The following MECOM variants were observed in gnomAD, a reference collection of about 807,000 sequenced individuals.
MECOM encodes the protein MDS1 and EVI1 complex locus.
A neutral mutation model predicts 116.3 loss-of-function variants in MECOM; 13 were observed. The observed-to-expected ratio is 0.11, with a 90% CI of 0.07 to 0.18. MECOM has a LOEUF of 0.18. Ranked by LOEUF, MECOM falls within the 10% of genes least tolerant of loss-of-function variation. The pLI, the probability that MECOM is intolerant of heterozygous loss-of-function variation, is 1.00. For missense variants in MECOM, 1,299 were observed against 1,509.0 expected (o/e 0.86, Z 2.31); for synonymous variants, 528 against 535.2 (o/e 0.99, Z 0.19).
At chr3:169,272,286 T>A (rs181773753) in intron 2 of MECOM, among the ~76,000 whole-genome samples, 8 of 151,830 alleles carry the variant, frequency 5.3e-5, no homozygotes, top group Admixed American at 5.2e-4. Context: ...TTCATGGGAG[T>A]CAAAGAGAAG....
chr3:169,241,019 C>T (rs914170322), intron 2 of MECOM, among the ~76,000 whole-genome samples: 1 of 152,124 alleles, frequency 6.6e-6, no homozygotes, highest in East Asian at 1.9e-4. Context: ...TATAAAGTGT[C>T]TACATTGCAA....
chr3:169,193,719 A>G (rs1186336906), intron 2 of MECOM, among the ~76,000 whole-genome samples: 1 of 152,024 alleles, frequency 6.6e-6, no homozygotes, highest in African/African-American at 2.4e-5. Context: ...CTCATTTTGA[A>G]TTTTTGGAAT....
intron 2 of MECOM, among the ~76,000 whole-genome samples, chr3:169,332,377 T>A (rs1190968813): frequency 1.3e-5 from 2 of 152,146 alleles, no homozygotes; most frequent in Non-Finnish European, 2.9e-5. Context: ...CACTTTTTAA[T>A]CTTGTAATAT....
At chr3:169,652,106 C>A (rs957221887) in intron 1 of MECOM, among the ~76,000 whole-genome samples, 5 of 151,902 alleles carry the variant, frequency 3.3e-5, no homozygotes, top group African/African-American at 1.2e-4. Flanking sequence ...AATGGTTGAA[C>A]CCCCATTCAA....
intron 2 of MECOM, among the ~76,000 whole-genome samples, chr3:169,344,145 C>T (rs984870253): frequency 2.0e-5 from 3 of 152,010 alleles, no homozygotes; most frequent in Non-Finnish European, 2.9e-5. Context: ...TTGGTAGCTT[C>T]GTAGCCATTT....
At chr3:169,122,855 G>T in intron 5 of MECOM, 128 bp from the exon 6 acceptor site, 1 of 1,051,654 alleles carries the variant, frequency 9.5e-7, no homozygotes, top group Non-Finnish European at 1.4e-6. Context: ...AAGGAGGGAA[G>T]AGCAGAAACA....
chr3:169,436,640 T>C (rs901120817), intron 1 of MECOM, among the ~76,000 whole-genome samples: 1 of 152,220 alleles, frequency 6.6e-6, no homozygotes, highest in Non-Finnish European at 1.5e-5. Context: ...TTGACATTGA[T>C]ACTATGTTGC....
chr3:169,301,681 T>C (rs1358824057), intron 2 of MECOM, among the ~76,000 whole-genome samples: 1 of 152,220 alleles, frequency 6.6e-6, no homozygotes, highest in East Asian at 1.9e-4. Context: ...AGAGGTAAGA[T>C]GCTTCTGATA....
At chr3:169,286,584 A>G (rs757304041) in intron 2 of MECOM, among the ~76,000 whole-genome samples, 15 of 152,188 alleles carry the variant, frequency 9.9e-5, no homozygotes, top group Non-Finnish European at 1.6e-4. Context: ...CAACCACCAT[A>G]GTGCATAAAA....
chr3:169,168,689 T>C (rs1743972951), intron 2 of MECOM, among the ~76,000 whole-genome samples: 1 of 152,012 alleles, frequency 6.6e-6, no homozygotes, highest in African/African-American at 2.4e-5. Flanking sequence ...AACCTTATAG[T>C]CAGAGGGGGC....
intron 1 of MECOM, among the ~76,000 whole-genome samples, chr3:169,420,765 C>A (rs1560251854): frequency 6.6e-6 from 1 of 152,002 alleles, no homozygotes; most frequent in East Asian, 1.9e-4. Context: ...CCCATAATTC[C>A]TAAGAATATG....
chr3:169,621,663 A>G (rs1560503393), intron 1 of MECOM, among the ~76,000 whole-genome samples: 1 of 152,194 alleles, frequency 6.6e-6, no homozygotes, highest in African/African-American at 2.4e-5. Context: ...AGGCTGAAGC[A>G]GGAGAATTGC....
intron 1 of MECOM, among the ~76,000 whole-genome samples, chr3:169,407,571 G>A (rs532080336): frequency 6.6e-6 from 1 of 152,292 alleles, no homozygotes; most frequent in African/African-American, 2.4e-5. Flanking sequence ...ATGTACTCTT[G>A]ACATGTTGGC....
intron 1 of MECOM, among the ~76,000 whole-genome samples, chr3:169,416,271 G>A (rs1738575156): frequency 6.6e-6 from 1 of 152,138 alleles, no homozygotes; most frequent in South Asian, 2.1e-4. Flanking sequence ...GCTCCTGAAT[G>A]ACTACTGGGT....
At chr3:169,332,378 C>T (rs1457612721) in intron 2 of MECOM, among the ~76,000 whole-genome samples, 2 of 151,984 alleles carry the variant, frequency 1.3e-5, no homozygotes, top group Non-Finnish European at 2.9e-5. Context: ...ACTTTTTAAT[C>T]TTGTAATATT....
At chr3:169,142,517 C>T (rs550322995) in intron 3 of MECOM, among the ~76,000 whole-genome samples, 10 of 151,958 alleles carry the variant, frequency 6.6e-5, no homozygotes, top group Admixed American at 6.6e-4. Context: ...CAATCAATAG[C>T]TAATTTAATA....
intron 7 of MECOM, among the ~76,000 whole-genome samples, chr3:169,120,725 A>ATTTGCT (rs1730746176): frequency 6.6e-6 from 1 of 152,198 alleles, no homozygotes; most frequent in Admixed American, 6.5e-5. Flanking sequence ...TGCTTTACAA[A>ATTTGCT]GCCATGAACA....
At chr3:169,391,254 T>C (rs1041493197) in intron 1 of MECOM, among the ~76,000 whole-genome samples, 2 of 152,180 alleles carry the variant, frequency 1.3e-5, no homozygotes, top group Admixed American at 6.5e-5. Context: ...AATGTTTTAT[T>C]TGAAAATGAG....
intron 1 of MECOM, among the ~76,000 whole-genome samples, chr3:169,571,888 T>A (rs960293802): frequency 9.2e-5 from 14 of 152,162 alleles, no homozygotes; most frequent in Non-Finnish European, 2.1e-4. Flanking sequence ...TACAAAACTC[T>A]AGAAGAAAAC....
Sources: gnomAD v4.1 joint callset for allele counts (sites outside exome capture counted in the v4.1 genomes callset) on GRCh38, gnomAD v4.1.1 for gene constraint, MANE v1.5 for transcripts, NCBI Gene and HGNC (gene_info 2026-07-23, HGNC 2026-07-21) for gene names.